PEX2: variants seen among roughly 807,000 people sequenced by gnomAD.
The protein encoded by PEX2 is peroxisomal biogenesis factor 2.
A neutral mutation model predicts 25.2 loss-of-function variants in PEX2; 19 were observed. That is an observed-to-expected ratio of 0.75 (90% CI 0.53 to 1.10). The LOEUF (loss-of-function observed/expected upper bound fraction) is 1.10, where lower values mean the gene tolerates loss of function less well. Among genes scored for constraint, PEX2 ranks in the 50% least tolerant of loss-of-function variants. PEX2 has a pLI of 0.00. For missense variants in PEX2, 347 were observed against 350.6 expected (o/e 0.99, Z 0.08); for synonymous variants, 141 against 127.7 (o/e 1.10, Z -0.70).
At chr8:76,988,158 G>A (rs941118055) in intron 2 of PEX2, 149 bp downstream of exon 2, 1 of 152,180 alleles carries the variant, frequency 6.6e-6, no homozygotes, top group Non-Finnish European at 1.5e-5. Flanking sequence ...ACAGATATAT[G>A]TGTCTATGAT....
At chr8:76,999,969 C>T in intron 1 of PEX2, 21 bp downstream of exon 1, 1 of 456,662 alleles carries the variant, frequency 2.2e-6, no homozygotes, top group Non-Finnish European at 4.4e-6. Flanking sequence ...TGCACTCCGG[C>T]TCTCTAGGGC....
intron 1 of PEX2, among the ~76,000 whole-genome samples, chr8:76,994,955 T>C (rs1807279183): frequency 6.6e-6 from 1 of 152,218 alleles, no homozygotes. Context: ...GTCCAATGTA[T>C]TGAAATCAAT....
At chr8:76,987,415 C>A (rs964046847) in intron 2 of PEX2, among the ~76,000 whole-genome samples, 1 of 151,966 alleles carries the variant, frequency 6.6e-6, no homozygotes, top group African/African-American at 2.4e-5. Context: ...GTACTAAGGA[C>A]TAGAGGTGCA....
At chr8:76,999,688 A>T (rs1257808058) in intron 1 of PEX2, 3 of 367,480 alleles carry the variant, frequency 8.2e-6, no homozygotes, top group African/African-American at 6.4e-5. Flanking sequence ...CAAATGAGAG[A>T]AAAAGATTTC....
intron 1 of PEX2, among the ~76,000 whole-genome samples, chr8:76,988,649 C>A (rs1186690538): frequency 6.6e-6 from 1 of 152,114 alleles, no homozygotes; most frequent in Non-Finnish European, 1.5e-5. Context: ...ATAACAACAA[C>A]AAAGTTTGCT....
Position 76,983,419 on chromosome 8 carries a change from G to A in PEX2, c.760C>T (p.Pro254Ser), listed in dbSNP as rs766045782. ...ATATGCTCACATCCTATGGTGTGAG[G>A]CATGGTGGGCCACTCTCCACATAGA... is the stretch of plus-strand genomic sequence containing the variant. Reference protein sequence around the residue: ...CALCGEWPTMPHTIGCEHIFC... With the variant: ...CALCGEWPTMSHTIGCEHIFC... The change falls in exon 4 of 4, where the codon CCT becomes TCT. Residue 254 changes from proline (P) to serine (S), a missense_variant. Physicochemically the swap from Pro to Ser is moderately conservative, Grantham distance 74 (BLOSUM62 -1). Coordinates refer to ENST00000357039, the MANE Select transcript of PEX2 (RefSeq NM_000318.3). The A allele has an allele frequency of 4.3e-6, 7 of 1,614,054 alleles. No homozygotes were observed. Among genetic ancestry groups the A allele is most frequent in the Admixed American group, 1.7e-5 (1 of 60,026 alleles).
Position 76,983,088 on chromosome 8 carries a change from A to G in PEX2, c.*173T>C, listed in dbSNP as rs1480250233. On this transcript the variant is annotated 3_prime_UTR_variant, in exon 4 of 4. Transcript: ENST00000357039. ...TAATACATTAACATTTACATAATAT[A>G]TTTAGAATCACATGGTTTCCAGTGA... 3.5e-6 allele frequency: 5 copies of G among 1,433,820 alleles called. No individual in the cohort carries two copies. The African/African-American group carries it at 4.3e-5, about 12-fold the overall frequency. 88.8% of individuals were successfully genotyped at this position (1,433,820 alleles called of 1,614,324 possible).
At chr8:76,999,676 G>A (rs1807437336) in intron 1 of PEX2, 4 of 364,676 alleles carry the variant, frequency 1.1e-5, no homozygotes, top group South Asian at 8.4e-5. Flanking sequence ...CTTCACGACC[G>A]CCAAATGAGA....
intron 1 of PEX2, among the ~76,000 whole-genome samples, chr8:76,998,088 A>G (rs1807389497): frequency 6.6e-6 from 1 of 152,360 alleles, no homozygotes; most frequent in Non-Finnish European, 1.5e-5. Flanking sequence ...AAAAAATGAA[A>G]TAATTCAAGA....
intron 1 of PEX2, among the ~76,000 whole-genome samples, chr8:76,998,987 G>GT (rs201584207): frequency 0.026 from 3,727 of 145,084 alleles, 147 homozygotes; most frequent in African/African-American, 0.086. Flanking sequence ...AATATGAAGG[G>GT]TTTTTTTTTT....
At chr8:76,986,105 G>A (rs949414686) in intron 3 of PEX2, 82 bp downstream of exon 3, 10 of 152,072 alleles carry the variant, frequency 6.6e-5, no homozygotes, top group Admixed American at 5.2e-4. Flanking sequence ...CAGGTTGTTT[G>A]GAGCTATTTT....
At position 76,986,310 on chromosome 8, in the gene PEX2, A is replaced by G. The variant is rs1806999772; in HGVS notation, c.-127-14T>C. ...ACTTGCCAGAAGCTACATACAAAAA[A>G]GAATAAAGTTTAAAAGGGAGTTCCC... On this transcript the variant is annotated splice_polypyrimidine_tract_variant and intron_variant, in intron 2 of 3. Coordinates refer to ENST00000357039, the MANE Select transcript of PEX2 (RefSeq NM_000318.3). 6.6e-6 allele frequency: 1 copy of G among 152,238 alleles called. No individual in the cohort carries two copies. The highest frequency in any genetic ancestry group is 1.5e-5 in the Non-Finnish European group (1 of 68,062). 9.4% of individuals were successfully genotyped at this position (152,238 alleles called of 1,614,324 possible).
rs1806829576 is a variant in PEX2 at position 76,981,609 on chromosome 8, G to C, written c.*1652C>G. 6.6e-6 allele frequency: 1 copy of C among 152,020 alleles called. No homozygotes were observed. The highest frequency in any genetic ancestry group is 1.5e-5 in the Non-Finnish European group (1 of 67,984). 9.4% of individuals were successfully genotyped at this position (152,020 alleles called of 1,614,324 possible). A position where few individuals can be genotyped will look rare whatever the true frequency, so the allele number is the denominator to read the frequency against. ...AGCCATTGTGCTCAGCCCTAAAATA[G>C]TTTTGAAGAATATTTATACATAGGA... On this transcript the variant is annotated 3_prime_UTR_variant, in exon 4 of 4. Coordinates refer to ENST00000357039, the MANE Select transcript of PEX2 (RefSeq NM_000318.3).
chr8:77,000,523 C>T (rs73244304), upstream of PEX2, among the ~76,000 whole-genome samples: 2,442 of 152,284 alleles, frequency 0.016, 27 homozygotes, highest in Non-Finnish European at 0.019. Context: ...GGAGGAGGAC[C>T]GGCTGAGGGA....
At chr8:77,000,902 G>T (rs1807495399), upstream of PEX2, 1 of 152,266 alleles carries the variant, frequency 6.6e-6, no homozygotes, top group Non-Finnish European at 1.5e-5. Context: ...ACATGTAGCC[G>T]TTGAGGATCG....
intron 1 of PEX2, among the ~76,000 whole-genome samples, chr8:76,990,290 G>A (rs1183164578): frequency 6.6e-6 from 1 of 152,018 alleles, no homozygotes. Flanking sequence ...CTTCTATCTA[G>A]ACCACTAAAA....
chr8:76,986,826 T>A (rs911223908), intron 2 of PEX2, among the ~76,000 whole-genome samples: 7 of 152,206 alleles, frequency 4.6e-5, no homozygotes, highest in African/African-American at 1.7e-4. Flanking sequence ...CATAAACTAC[T>A]TTTAAATGGT....
rs2132042806 is a variant in PEX2, at chr8:76,983,261, C to T, written c.918G>A (p.Ter306=). ...TCCTCAAAGGAAGCAATTTTAGTTT[C>T]TAAAGAGCATTTACTTCTGACATCT... ...GIEMSEVNAL[*] Residue 306 remains the stop codon, a stop_retained_variant, in exon 4 of 4, where the codon TAG becomes TAA. Transcript: ENST00000357039. 1.2e-6 allele frequency: 2 copies of T among 1,611,886 alleles called. No homozygotes were observed. The highest frequency in any genetic ancestry group is 1.7e-6 in the Non-Finnish European group (2 of 1,179,978).
chr8:76,982,299 C>G lies in PEX2; in HGVS notation c.*962G>C, dbSNP rs1411283947. On this transcript the variant is annotated 3_prime_UTR_variant, in exon 4 of 4. Coordinates refer to ENST00000357039, the MANE Select transcript of PEX2 (RefSeq NM_000318.3). ...AAAGACCCCTTTTGTTTCAATAAAA[C>G]TATCAATATTTACTGAGAATGACAG... 1 of 152,136 alleles carries G rather than the reference C, an allele frequency of 6.6e-6. No individual in the cohort carries two copies. Among genetic ancestry groups the G allele is most frequent in the Non-Finnish European group, 1.5e-5 (1 of 68,030 alleles). 9.4% of individuals were successfully genotyped at this position (152,136 alleles called of 1,614,324 possible). A position where few individuals can be genotyped will look rare whatever the true frequency, so the allele number is the denominator to read the frequency against.
Sources: allele counts gnomAD v4.1 joint callset (sites outside exome capture counted in the v4.1 genomes callset), GRCh38; gene constraint gnomAD v4.1.1; transcripts MANE v1.5; gene names NCBI Gene and HGNC (gene_info 2026-07-23, HGNC 2026-07-21).